The following IL1RAPL1 variants were observed in gnomAD, a reference collection of about 807,000 sequenced individuals.
IL1RAPL1 encodes the protein interleukin 1 receptor accessory protein like 1, also known as interleukin-1 receptor accessory protein-like 1.
In IL1RAPL1, 3 loss-of-function variants were observed where a neutral mutation model predicts 48.4. The observed-to-expected ratio is 0.06, with a 90% CI of 0.03 to 0.16. The LOEUF (loss-of-function observed/expected upper bound fraction) is 0.16. Ranked by LOEUF, IL1RAPL1 falls within the 10% of genes least tolerant of loss-of-function variation. The probability of loss-of-function intolerance (pLI) is 1.00; values close to 1 mark genes in which losing one functional copy is unlikely to be tolerated. For missense variants in IL1RAPL1, 349 were observed against 530.6 expected, an observed-to-expected ratio of 0.66 and a Z score of 3.36; for synonymous variants, 185 against 187.7, an observed-to-expected ratio of 0.99 and a Z score of 0.12.
chrX:28,629,108 G>A (rs1179597100), intron 1 of IL1RAPL1, among the ~76,000 whole-genome samples: 3 of 111,331 alleles, frequency 2.7e-5, no homozygotes, highest in Non-Finnish European at 3.8e-5. Flanking sequence ...TTTGAGGGAC[G>A]ATGATTTTGC....
At chrX:29,306,053 A>G (rs1354697188) in intron 3 of IL1RAPL1, among the ~76,000 whole-genome samples, 1 of 111,451 alleles carries the variant, frequency 9.0e-6, no homozygotes, top group Non-Finnish European at 1.9e-5. Context: ...GTTGGGGGTG[A>G]TGGGAAACCC....
intron 2 of IL1RAPL1, among the ~76,000 whole-genome samples, chrX:28,825,501 C>T (rs953132722): frequency 2.7e-5 from 3 of 111,223 alleles, no homozygotes; most frequent in African/African-American, 9.8e-5. Flanking sequence ...GTAGCTTTGA[C>T]AGATATGTAA....
intron 6 of IL1RAPL1, among the ~76,000 whole-genome samples, chrX:29,687,932 T>A (rs995270162): frequency 4.5e-5 from 5 of 111,496 alleles, no homozygotes; most frequent in African/African-American, 1.6e-4. Flanking sequence ...AGGCTGTTAG[T>A]GCCAAGAAAG....
intron 1 of IL1RAPL1, among the ~76,000 whole-genome samples, chrX:28,650,888 G>A (rs776765515): frequency 4.5e-5 from 5 of 111,855 alleles, no homozygotes; most frequent in Non-Finnish European, 9.4e-5. Context: ...GGTTAAAAAT[G>A]TCAGAAAAGA....
intron 5 of IL1RAPL1, among the ~76,000 whole-genome samples, chrX:29,627,836 C>A (rs1056380513): frequency 3.6e-5 from 4 of 112,219 alleles, no homozygotes; most frequent in African/African-American, 1.3e-4. Context: ...CTCTCTTGGA[C>A]TAGCATCCCT....
chrX:29,765,612 G>A (rs1928864396), intron 6 of IL1RAPL1, among the ~76,000 whole-genome samples: 2 of 111,828 alleles, frequency 1.8e-5, no homozygotes, highest in African/African-American at 3.3e-5. Context: ...TTCTGAATGG[G>A]CTTAGCAATA....
chrX:29,202,090 T>C (rs1445172336), intron 2 of IL1RAPL1, among the ~76,000 whole-genome samples: 2 of 112,574 alleles, frequency 1.8e-5, no homozygotes, highest in Non-Finnish European at 3.7e-5. Flanking sequence ...CTTGATACAA[T>C]TGGCAAGACA....
chrX:29,627,718 A>C (rs1447567397), intron 5 of IL1RAPL1, among the ~76,000 whole-genome samples: 1 of 111,617 alleles, frequency 9.0e-6, no homozygotes, highest in Non-Finnish European at 1.9e-5. Flanking sequence ...CAGCAAAGGC[A>C]TACAAGCCCA....
intron 6 of IL1RAPL1, among the ~76,000 whole-genome samples, chrX:29,751,880 T>A (rs1398750266): frequency 9.3e-6 from 1 of 107,439 alleles, no homozygotes; most frequent in Non-Finnish European, 1.9e-5. Flanking sequence ...TGTAGTGAGC[T>A]GTGATCACAC....
chrX:29,288,245 C>T (rs960004196), intron 3 of IL1RAPL1, among the ~76,000 whole-genome samples: 1 of 110,695 alleles, frequency 9.0e-6, no homozygotes, highest in Non-Finnish European at 1.9e-5. Context: ...CCTATCAACC[C>T]ATCACCTAGG....
intron 6 of IL1RAPL1, among the ~76,000 whole-genome samples, chrX:29,816,444 A>G (rs956185204): frequency 1.1e-4 from 12 of 110,542 alleles, no homozygotes; most frequent in African/African-American, 3.9e-4. Flanking sequence ...CCTACCAATG[A>G]AAAAAAGCCC....
chrX:29,247,353 G>T (rs1273930073), intron 2 of IL1RAPL1, among the ~76,000 whole-genome samples: 2 of 111,061 alleles, frequency 1.8e-5, no homozygotes, highest in African/African-American at 6.5e-5. Context: ...AAGGACAAAT[G>T]ATTCTGTGCT....
At chrX:29,900,945 C>T (rs1483856899) in intron 6 of IL1RAPL1, among the ~76,000 whole-genome samples, 1 of 111,906 alleles carries the variant, frequency 8.9e-6, no homozygotes, top group Non-Finnish European at 1.9e-5. Flanking sequence ...TATTATTTCT[C>T]TCGATAAATA....
intron 6 of IL1RAPL1, among the ~76,000 whole-genome samples, chrX:29,856,848 C>T (rs977675790): frequency 8.9e-6 from 1 of 111,845 alleles, no homozygotes; most frequent in South Asian, 3.7e-4. Context: ...GTGTATATTG[C>T]ATTACATGTA....
chrX:29,063,894 C>G (rs747999373), intron 2 of IL1RAPL1, among the ~76,000 whole-genome samples: 15 of 111,550 alleles, frequency 1.3e-4, no homozygotes, highest in Non-Finnish European at 2.4e-4. Flanking sequence ...CTATTTTTTT[C>G]CTATGTAAAT....
At chrX:29,399,821 GAAAA>G (rs113185068) in intron 5 of IL1RAPL1, among the ~76,000 whole-genome samples, 2 of 73,758 alleles carry the variant, frequency 2.7e-5, no homozygotes, top group Non-Finnish European at 5.0e-5. Flanking sequence ...CGAAGTCTCA[GAAAA>G]AAAAAAAAAA....
At chrX:29,605,099 C>T (rs1923847941) in intron 5 of IL1RAPL1, among the ~76,000 whole-genome samples, 2 of 104,319 alleles carry the variant, frequency 1.9e-5, no homozygotes, top group African/African-American at 3.5e-5. Flanking sequence ...CACACACACA[C>T]ACACACACAC....
intron 2 of IL1RAPL1, among the ~76,000 whole-genome samples, chrX:28,962,239 G>A (rs1037557139): frequency 1.8e-5 from 2 of 111,923 alleles, no homozygotes; most frequent in African/African-American, 6.5e-5. Flanking sequence ...AAATGACTAA[G>A]CTTCATATAG....
At chrX:29,111,933 T>C (rs1267443706) in intron 2 of IL1RAPL1, among the ~76,000 whole-genome samples, 1 of 89,472 alleles carries the variant, frequency 1.1e-5, no homozygotes, top group East Asian at 3.2e-4. Context: ...TTCTTTTTTT[T>C]TTTTTTTTTT....
Sources: allele counts gnomAD v4.1 joint callset (sites outside exome capture counted in the v4.1 genomes callset), GRCh38; gene constraint gnomAD v4.1.1; transcripts MANE v1.5; gene names NCBI Gene and HGNC (gene_info 2026-07-23, HGNC 2026-07-21).